The following DIPK1A variants were observed in gnomAD, a reference collection of about 807,000 sequenced individuals.
The protein encoded by DIPK1A is family with sequence similarity 69 member A.
DIPK1A carries 27 observed loss-of-function variants against 40.8 expected under a neutral mutation model. The observed-to-expected ratio is 0.66, with a 90% CI of 0.49 to 0.91. The LOEUF is 0.91. DIPK1A is among the 40% of genes least tolerant of loss of function. The probability of loss-of-function intolerance (pLI) is 0.00; values close to 1 mark genes in which losing one functional copy is unlikely to be tolerated. For missense variants in DIPK1A, 412 were observed against 505.7 expected (o/e 0.81, Z 1.78); for synonymous variants, 166 against 171.3 (o/e 0.97, Z 0.24).
intron 1 of DIPK1A, among the ~76,000 whole-genome samples, chr1:92,952,509 A>T (rs1651673434): frequency 6.6e-6 from 1 of 152,068 alleles, no homozygotes; most frequent in Non-Finnish European, 1.5e-5. Context: ...GGGCCCAGCT[A>T]TTTGGGAGGC....
At position 92,883,867 on chromosome 1, in the gene DIPK1A, C is replaced by T. The variant is rs142142727; in HGVS notation, c.55-7437G>A. 1.8e-3 allele frequency among the ~76,000 whole-genome samples: 279 copies of T among 152,188 alleles called. 1 individual carries two copies. Among genetic ancestry groups the T allele is most frequent in the African/African-American group, 6.5e-3 (270 of 41,506 alleles). On this transcript the variant is annotated intron_variant, in intron 1 of 4. Transcript: ENST00000370310. ...GGGGTCTTCTTTGGAGACTAGCTAC[C>T]ACCCCAGAAGAGGATCAGCAAAGCA... is the stretch of plus-strand genomic sequence containing the variant.
chr1:92,842,972 GCTAAGA>G lies in DIPK1A; in HGVS notation c.*405_*410del, dbSNP rs1687435068. 1.0e-6 allele frequency: 1 copy of G among 993,472 alleles called. No homozygotes were observed. The highest frequency in any genetic ancestry group is 1.2e-6 in the Non-Finnish European group (1 of 835,184). The allele number at this position is 993,472 out of a possible 1,614,324, so 61.5% of individuals were successfully genotyped here. Reference sequence around the variant, plus strand: ...TCTGTTAATGTGCAAACTTTACCATGCTAAGACATTAGTAAATTTATAAATTTTCTT... The same window carrying G: ...TCTGTTAATGTGCAAACTTTACCATGCATTAGTAAATTTATAAATTTTCTT... On this transcript the variant is annotated 3_prime_UTR_variant, in exon 5 of 5. Transcript: ENST00000370310.
At chr1:92,866,845 T>C (rs553575865) in intron 2 of DIPK1A, among the ~76,000 whole-genome samples, 2 of 152,304 alleles carry the variant, frequency 1.3e-5, no homozygotes, top group South Asian at 4.1e-4. Context: ...ATATGGATTT[T>C]AGATTTGCCC....
chr1:92,961,219 G>A (rs1425015735), intron 1 of DIPK1A, among the ~76,000 whole-genome samples, 157 bp downstream of exon 1: 1 of 151,022 alleles, frequency 6.6e-6, no homozygotes, highest in Non-Finnish European at 1.5e-5. Flanking sequence ...GGGGGCTGGG[G>A]AGGGCGCGCC....
chr1:92,842,066 G>T (rs1687388015), downstream of DIPK1A: 2 of 789,786 alleles, frequency 2.5e-6, no homozygotes, highest in African/African-American at 1.8e-5. Flanking sequence ...TTATTTCTTG[G>T]GCTTCTGTTT....
At chr1:92,832,988 C>G in exon 5 of DIPK1A, 1 of 733,954 alleles carries the variant, frequency 1.4e-6, no homozygotes, top group Non-Finnish European at 2.5e-6. Context: ...TGATTGCTGT[C>G]TGGAGCAGTG....
chr1:92,865,900 A>T (rs1647512664), intron 2 of DIPK1A, among the ~76,000 whole-genome samples: 1 of 152,202 alleles, frequency 6.6e-6, no homozygotes, highest in Non-Finnish European at 1.5e-5. Flanking sequence ...ATTTATACGA[A>T]ATGCATATAT....
Position 92,895,540 on chromosome 1 carries a change from C to G in DIPK1A, c.55-19110G>C, listed in dbSNP as rs551417694. Among the ~76,000 whole-genome samples the G allele has an allele frequency of 3.9e-5, 6 of 152,148 alleles. No homozygotes were observed. The East Asian group carries it at 1.2e-3, about 29-fold the overall frequency. ...AGAGCTATCTATGACAAACCCACAG[C>G]CAATATCATACTCAATGGGCAAAAA... On this transcript the variant is annotated intron_variant, in intron 1 of 4. Coordinates refer to ENST00000370310, the MANE Select transcript of DIPK1A (RefSeq NM_001006605.5).
intron 1 of DIPK1A, among the ~76,000 whole-genome samples, chr1:92,904,400 T>G (rs1193511783): frequency 6.6e-6 from 1 of 152,144 alleles, no homozygotes; most frequent in Non-Finnish European, 1.5e-5. Flanking sequence ...TAGAATTACC[T>G]ATGGTGTTTA....
intron 1 of DIPK1A, among the ~76,000 whole-genome samples, chr1:92,923,293 C>CA (rs1225561327): frequency 2.0e-5 from 3 of 152,086 alleles, no homozygotes; most frequent in African/African-American, 7.2e-5. Flanking sequence ...CGCCCACCAC[C>CA]ACGCCTGGGT....
At chr1:92,915,915 G>A (rs1650035587) in intron 1 of DIPK1A, among the ~76,000 whole-genome samples, 1 of 152,080 alleles carries the variant, frequency 6.6e-6, no homozygotes, top group African/African-American at 2.4e-5. Context: ...ACCATACAAT[G>A]GAATATTATT....
chr1:92,947,986 C>A (rs999609658), intron 1 of DIPK1A, among the ~76,000 whole-genome samples: 1 of 152,122 alleles, frequency 6.6e-6, no homozygotes, highest in Non-Finnish European at 1.5e-5. Flanking sequence ...TATTCTACAG[C>A]ACTGTAGAGT....
intron 2 of DIPK1A, among the ~76,000 whole-genome samples, chr1:92,866,006 G>A (rs1647517772): frequency 6.6e-6 from 1 of 152,158 alleles, no homozygotes; most frequent in African/African-American, 2.4e-5. Context: ...CCCCAACCAA[G>A]GCTGTGGTTC....
At chr1:92,958,670 C>A (rs1325082282) in intron 1 of DIPK1A, among the ~76,000 whole-genome samples, 2 of 152,222 alleles carry the variant, frequency 1.3e-5, no homozygotes, top group African/African-American at 4.8e-5. Flanking sequence ...TATTCTAAGA[C>A]ATTCTTTCAA....
intron 2 of DIPK1A, among the ~76,000 whole-genome samples, chr1:92,866,081 C>A (rs969636117): frequency 6.6e-6 from 1 of 151,908 alleles, no homozygotes; most frequent in Non-Finnish European, 1.5e-5. Context: ...TAAAAAGAAA[C>A]CTCCAAAAGT....
intron 2 of DIPK1A, among the ~76,000 whole-genome samples, chr1:92,864,306 A>G (rs1312107882): frequency 1.3e-5 from 2 of 152,228 alleles, no homozygotes; most frequent in Non-Finnish European, 2.9e-5. Flanking sequence ...TAAGCAATAA[A>G]CCATTACCCA....
In DIPK1A at chr1:92,858,730, T is replaced by G. The variant is rs142982904; in HGVS notation, c.190-7775A>C. 2.6e-5 allele frequency among the ~76,000 whole-genome samples: 4 copies of G among 152,330 alleles called. No individual in the cohort carries two copies. In the East Asian group the frequency reaches 7.7e-4, roughly 29 times the overall value. The stretch of plus-strand genomic sequence containing the variant: ...AAAGAGGCAGTTACAATGAGCAGGC[T>G]CTTCCACTTGTGGCTTACATCAAAA... On this transcript the variant is annotated intron_variant, in intron 2 of 4. Coordinates refer to ENST00000370310, the MANE Select transcript of DIPK1A (RefSeq NM_001006605.5).
intron 2 of DIPK1A, among the ~76,000 whole-genome samples, chr1:92,867,715 G>A (rs751810312): frequency 1.4e-4 from 21 of 151,870 alleles, no homozygotes; most frequent in Non-Finnish European, 2.1e-4. Flanking sequence ...CATGTTGGCC[G>A]GGCTGATCTC....
chr1:92,895,244 A>G (rs1053123196), intron 1 of DIPK1A, among the ~76,000 whole-genome samples: 28 of 152,176 alleles, frequency 1.8e-4, no homozygotes, highest in African/African-American at 3.9e-4. Context: ...ACATCGATGC[A>G]AAAATCCTCA....
Sources: allele counts gnomAD v4.1 joint callset (sites outside exome capture counted in the v4.1 genomes callset), GRCh38; gene constraint gnomAD v4.1.1; transcripts MANE v1.5; gene names NCBI Gene and HGNC (gene_info 2026-07-23, HGNC 2026-07-21).